XRCC4: variants seen among roughly 807,000 people sequenced by gnomAD.
XRCC4 encodes DNA repair protein XRCC4.
XRCC4 carries 28 observed loss-of-function variants against 39.1 expected under a neutral mutation model. The observed-to-expected ratio is 0.72, with a 90% CI of 0.53 to 0.98. XRCC4 has a LOEUF of 0.98. Ranked by LOEUF, XRCC4 falls within the 50% of genes least tolerant of loss-of-function variation. The pLI is 0.00. For missense variants in XRCC4, 350 were observed against 376.4 expected (o/e 0.93, Z 0.58); for synonymous variants, 123 against 126.4 (o/e 0.97, Z 0.18).
chr5:83,361,603 C>T, the XRCC4 span, among the ~76,000 whole-genome samples: 1 of 151,678 alleles, frequency 6.6e-6, no homozygotes, highest in Non-Finnish European at 1.5e-5. Flanking sequence ...TTTACCATAA[C>T]TCTATTCTTT....
chr5:83,269,520 A>G (rs1250200802), intron 7 of XRCC4, among the ~76,000 whole-genome samples: 2 of 151,656 alleles, frequency 1.3e-5, no homozygotes, highest in African/African-American at 4.8e-5. Flanking sequence ...CTCATTAACC[A>G]AGGATGGATG....
intron 6 of XRCC4, among the ~76,000 whole-genome samples, chr5:83,208,111 A>T (rs923109732): frequency 1.3e-5 from 2 of 152,058 alleles, no homozygotes; most frequent in South Asian, 2.1e-4. Flanking sequence ...CCCAAATTTC[A>T]TCTGGAGTTG....
chr5:83,276,656 A>G (rs1175413589), intron 7 of XRCC4, among the ~76,000 whole-genome samples: 2 of 152,202 alleles, frequency 1.3e-5, no homozygotes, highest in African/African-American at 4.8e-5. Context: ...CCCAGGATCC[A>G]GAACTTTAAT....
rs183610981 is a variant in XRCC4, at chr5:83,268,035, A to G, written c.893+9358A>G. Reference sequence around the variant, plus strand: ...ATGGCATAATGAACAGAGCTTTACAAAAATTTTCCTGGAAACCATATATTG... The same window carrying G: ...ATGGCATAATGAACAGAGCTTTACAGAAATTTTCCTGGAAACCATATATTG... On this transcript the variant is annotated intron_variant, in intron 7 of 7. Coordinates refer to ENST00000396027, the MANE Select transcript of XRCC4 (RefSeq NM_003401.5). Among the ~76,000 whole-genome samples the G allele has an allele frequency of 1.6e-3, 248 of 152,348 alleles. 4 individuals are homozygous for G. The South Asian group carries it at 0.023, about 14-fold the overall frequency.
chr5:83,127,608 T>C (rs6452513), intron 3 of XRCC4, among the ~76,000 whole-genome samples: 139,628 of 151,964 alleles, frequency 0.92, 64,286 homozygotes, highest in African/African-American at 0.96. Flanking sequence ...TTATCAGCAG[T>C]ATGAAAACGG....
downstream of XRCC4, among the ~76,000 whole-genome samples, chr5:83,354,646 A>G (rs146163603): frequency 3.4e-3 from 520 of 152,220 alleles, 7 homozygotes; most frequent in African/African-American, 0.012. Flanking sequence ...ATGTTTTAGC[A>G]TATCCAAAGC....
chr5:83,203,036 T>C (rs572641510), intron 4 of XRCC4, among the ~76,000 whole-genome samples: 116 of 150,324 alleles, frequency 7.7e-4, no homozygotes, highest in Non-Finnish European at 1.4e-3. Flanking sequence ...CTATATGTAT[T>C]TGTGTGTGTG....
chr5:83,222,300 G>A (rs938954546), intron 6 of XRCC4, among the ~76,000 whole-genome samples: 2 of 151,968 alleles, frequency 1.3e-5, no homozygotes, highest in African/African-American at 4.8e-5. Flanking sequence ...CTCTACAGAT[G>A]GCAACATATC....
At chr5:83,215,797 A>G (rs952666240) in intron 6 of XRCC4, among the ~76,000 whole-genome samples, 1 of 152,184 alleles carries the variant, frequency 6.6e-6, no homozygotes, top group African/African-American at 2.4e-5. Flanking sequence ...ACAGGTGTTT[A>G]CCTCATATGA....
chr5:83,211,772 C>T (rs1488920067), intron 6 of XRCC4, among the ~76,000 whole-genome samples: 1 of 152,144 alleles, frequency 6.6e-6, no homozygotes, highest in East Asian at 1.9e-4. Flanking sequence ...ATAAAATAAA[C>T]TGTGCAGAAA....
Position 83,333,820 on chromosome 5 carries a change from A to G in XRCC4, c.894-19311A>G, listed in dbSNP as rs564338041. Among the ~76,000 whole-genome samples the G allele has an allele frequency of 2.0e-5, 3 of 148,980 alleles. No individual in the cohort carries two copies. The South Asian group carries it at 6.4e-4, about 32-fold the overall frequency. On this transcript the variant is annotated intron_variant, in intron 7 of 7. Coordinates refer to ENST00000396027, the MANE Select transcript of XRCC4 (RefSeq NM_003401.5). ...AGTCTTGCTCTGTCGCCAAGGCTGG[A>G]GTGCAGTGGCACAATCTCAGCTCAC...
intron 6 of XRCC4, among the ~76,000 whole-genome samples, chr5:83,240,797 A>T (rs1239711573): frequency 6.6e-6 from 1 of 152,234 alleles, no homozygotes; most frequent in Non-Finnish European, 1.5e-5. Flanking sequence ...CACTAAGACC[A>T]GTGTGAGGAA....
chr5:83,106,735 T>C (rs916628553), intron 2 of XRCC4, among the ~76,000 whole-genome samples: 1 of 152,024 alleles, frequency 6.6e-6, no homozygotes, highest in Non-Finnish European at 1.5e-5. Context: ...TGGTACTGAT[T>C]TATACTGAGG....
chr5:83,284,436 G>A (rs1017725622), intron 7 of XRCC4, among the ~76,000 whole-genome samples: 1 of 152,048 alleles, frequency 6.6e-6, no homozygotes, highest in African/African-American at 2.4e-5. Context: ...AATTAAAACT[G>A]AAATCATTTA....
At chr5:83,112,414 G>A (rs1284297881) in intron 3 of XRCC4, among the ~76,000 whole-genome samples, 2 of 152,126 alleles carry the variant, frequency 1.3e-5, no homozygotes, top group Admixed American at 6.5e-5. Flanking sequence ...GTAACAACTA[G>A]CATTATTTTG....
At chr5:83,161,024 G>A (rs528537432) in intron 3 of XRCC4, among the ~76,000 whole-genome samples, 39 of 152,078 alleles carry the variant, frequency 2.6e-4, no homozygotes, top group African/African-American at 9.4e-4. Context: ...TGAGGTAGAT[G>A]TTGTCATTGC....
chr5:83,146,008 C>G (rs1011606854), intron 3 of XRCC4, among the ~76,000 whole-genome samples: 13 of 152,050 alleles, frequency 8.5e-5, no homozygotes, highest in Non-Finnish European at 1.8e-4. Flanking sequence ...CATGACTTTT[C>G]TCTATATTTC....
rs537446953 is a variant in XRCC4 at position 83,294,732 on chromosome 5, T to C, written c.893+36055T>C. Among the ~76,000 whole-genome samples, 4 of 152,122 alleles carry C rather than the reference T, an allele frequency of 2.6e-5. No homozygotes were observed. The South Asian group carries it at 8.3e-4, about 32-fold the overall frequency. ...GATCATGTATCAAAAATAAAACATA[T>C]AAAATACAATATCAGGGATGAGGCC... On this transcript the variant is annotated intron_variant, in intron 7 of 7. Coordinates refer to ENST00000396027, the MANE Select transcript of XRCC4 (RefSeq NM_003401.5).
intron 3 of XRCC4, among the ~76,000 whole-genome samples, chr5:83,124,222 CTT>C (rs922671328): frequency 1.3e-5 from 2 of 152,126 alleles, no homozygotes; most frequent in African/African-American, 4.8e-5. Flanking sequence ...GTACAGAACT[CTT>C]TTATTACCTC....
Sources: allele counts gnomAD v4.1 joint callset (sites outside exome capture counted in the v4.1 genomes callset), GRCh38; gene constraint gnomAD v4.1.1; transcripts MANE v1.5; gene names NCBI Gene and HGNC (gene_info 2026-07-23, HGNC 2026-07-21).